The following S100G variants were observed in gnomAD, a reference collection of about 807,000 sequenced individuals.
S100G encodes the protein S100 calcium binding protein G.
A neutral mutation model predicts 4.4 loss-of-function variants in S100G; 4 were observed. The observed-to-expected ratio is 0.91, with a 90% CI of 0.45 to 2.09. The LOEUF is 2.09. Among genes scored for constraint, S100G ranks in the 30% most tolerant of loss-of-function variants. The probability of loss-of-function intolerance (pLI) is 0.03; values close to 1 mark genes in which losing one functional copy is unlikely to be tolerated. For missense variants in S100G, 48 were observed against 49.8 expected (o/e 0.96, Z 0.11); for synonymous variants, 24 against 20.1 (o/e 1.20, Z -0.53).
At chrX:16,652,755 T>C (rs781239207) in intron 2 of S100G, among the ~76,000 whole-genome samples, 1 of 111,793 alleles carries the variant, frequency 8.9e-6, no homozygotes, top group East Asian at 2.8e-4. Context: ...GTTCTGAAAG[T>C]CTACTTAACA....
Position 16,651,005 on chromosome X carries a change from G to A in S100G, c.-2G>A, listed in dbSNP as rs1932593869. 2 of 1,203,812 alleles carry A rather than the reference G, an allele frequency of 1.7e-6. No homozygotes were observed. The highest frequency in any genetic ancestry group is 1.1e-6 in the Non-Finnish European group (1 of 889,437). On this transcript the variant is annotated 5_prime_UTR_variant, in exon 2 of 3. Coordinates refer to ENST00000380200, the MANE Select transcript of S100G (RefSeq NM_004057.3). Reference sequence around the variant, plus strand: ...TTTCTTCCCAATTTATAAGACACCAGAATGAGTACTAAAAAGTCTCCTGAG... The same window carrying A: ...TTTCTTCCCAATTTATAAGACACCAAAATGAGTACTAAAAAGTCTCCTGAG...
intron 2 of S100G, 134 bp from the exon 3 acceptor site, chrX:16,654,271 G>C (rs1932768654): frequency 2.4e-6 from 1 of 417,300 alleles, no homozygotes; most frequent in African/African-American, 2.5e-5. Flanking sequence ...TTAGCTATTA[G>C]ATGCATGTCA....
chrX:16,652,703 C>T (rs1932701454), intron 2 of S100G, among the ~76,000 whole-genome samples: 1 of 111,741 alleles, frequency 8.9e-6, no homozygotes, highest in Non-Finnish European at 1.9e-5. Context: ...ACAAAAAGTA[C>T]GTAAGACATA....
chrX:16,652,471 TAGA>T (rs908865002), intron 2 of S100G, among the ~76,000 whole-genome samples: 6 of 112,281 alleles, frequency 5.3e-5, no homozygotes, highest in African/African-American at 1.9e-4. Flanking sequence ...AGTTGAAATA[TAGA>T]AGAACTTGTA....
At chrX:16,651,958 G>C (rs1299504316) in intron 2 of S100G, among the ~76,000 whole-genome samples, 1 of 109,760 alleles carries the variant, frequency 9.1e-6, no homozygotes, top group Non-Finnish European at 1.9e-5. Flanking sequence ...TTGCCATGGG[G>C]AGAGAGATTG....
rs1279047828 is a variant in S100G, at chrX:16,654,670, C to T, written c.*161C>T. The T allele has an allele frequency of 3.0e-6, 1 of 328,048 alleles. No individual in the cohort carries two copies. Among genetic ancestry groups the T allele is most frequent in the East Asian group, 4.8e-5 (1 of 20,750 alleles). The allele number at this position is 328,048 out of a possible 1,213,427, so 27.0% of individuals were successfully genotyped here. A position where few individuals can be genotyped will look rare whatever the true frequency, so the allele number is the denominator to read the frequency against. Reference sequence around the variant, plus strand: ...ATTAATAAAGAAATTATTAGACATACCTTACTTTGTTAAGTACTGACCTCA... The same window carrying T: ...ATTAATAAAGAAATTATTAGACATATCTTACTTTGTTAAGTACTGACCTCA... On this transcript the variant is annotated 3_prime_UTR_variant, in exon 3 of 3. Coordinates refer to ENST00000380200, the MANE Select transcript of S100G (RefSeq NM_004057.3).
At chrX:16,653,818 C>T (rs1484125594) in intron 2 of S100G, among the ~76,000 whole-genome samples, 3 of 112,121 alleles carry the variant, frequency 2.7e-5, no homozygotes, top group Admixed American at 9.4e-5. Flanking sequence ...CTGGAGTCAA[C>T]GTGTGGACCC....
rs757274649 is a variant in S100G, at chrX:16,652,018, TG to T, written c.135+885del. ...GGGGGTTTATGACCATAGAGCAGGA[TG>T]GGGGGGGCCAGTGGATGGAAAATTA... On this transcript the variant is annotated intron_variant, in intron 2 of 2. Coordinates refer to ENST00000380200, the MANE Select transcript of S100G (RefSeq NM_004057.3). 7.3e-3 allele frequency among the ~76,000 whole-genome samples: 714 copies of T among 97,681 alleles called. 4 individuals carry two copies. The highest frequency in any genetic ancestry group is 0.012 in the Non-Finnish European group (581 of 48,311). 84.8% of individuals were successfully genotyped at this position (97,681 alleles called of 115,157 possible). A position where few individuals can be genotyped will look rare whatever the true frequency, so the allele number is the denominator to read the frequency against.
At chrX:16,653,256 CA>C (rs1204811144) in intron 2 of S100G, among the ~76,000 whole-genome samples, 1 of 110,877 alleles carries the variant, frequency 9.0e-6, no homozygotes, top group Admixed American at 9.7e-5. Context: ...ATGGTAGAGA[CA>C]AAAATTAACT....
At position 16,650,374 on chromosome X, in the gene S100G, C is replaced by T. The variant is rs187770826; in HGVS notation, c.-9+171C>T. On this transcript the variant is annotated intron_variant, in intron 1 of 2. Transcript: ENST00000380200. ...GCTGTGGTCAAGTATTCTTCAAGAC[C>T]ACAGCCTGCAGAGTGCAGATCAGGT... Among the ~76,000 whole-genome samples the T allele has an allele frequency of 5.9e-3, 658 of 111,109 alleles. 5 individuals carry two copies. Among genetic ancestry groups the T allele is most frequent in the African/African-American group, 0.02 (626 of 30,588 alleles).
At chrX:16,653,227 G>A (rs1018149563) in intron 2 of S100G, among the ~76,000 whole-genome samples, 1 of 110,623 alleles carries the variant, frequency 9.0e-6, no homozygotes, top group East Asian at 2.8e-4. Flanking sequence ...AGTAGTAATG[G>A]CTTTAAGATT....
At chrX:16,652,246 A>G (rs1280267573) in intron 2 of S100G, among the ~76,000 whole-genome samples, 1 of 112,123 alleles carries the variant, frequency 8.9e-6, no homozygotes, top group Non-Finnish European at 1.9e-5. Flanking sequence ...TCACAACAGA[A>G]GTGACTATGG....
In S100G at chrX:16,654,385, T is replaced by C; in HGVS notation, c.136-20T>C. Reference sequence around the variant, plus strand: ...ATTTTTTCTCCCCTCCCTTCTCCCATCCTTTTTTATGTAAAACAGGGTCCA... The same window carrying C: ...ATTTTTTCTCCCCTCCCTTCTCCCACCCTTTTTTATGTAAAACAGGGTCCA... On this transcript the variant is annotated intron_variant, in intron 2 of 2. Transcript: ENST00000380200. The C allele has an allele frequency of 9.4e-7, 1 of 1,062,497 alleles. No homozygotes were observed. Among genetic ancestry groups the C allele is most frequent in the Non-Finnish European group, 1.3e-6 (1 of 782,366 alleles). 87.6% of individuals were successfully genotyped at this position (1,062,497 alleles called of 1,213,427 possible). A position where few individuals can be genotyped will look rare whatever the true frequency, so the allele number is the denominator to read the frequency against.
At chrX:16,650,511 C>CTTTTTTT (rs1167079038) in intron 1 of S100G, among the ~76,000 whole-genome samples, 4 of 77,208 alleles carry the variant, frequency 5.2e-5, no homozygotes, top group Non-Finnish European at 7.1e-5. Context: ...TCTAAGATGT[C>CTTTTTTT]TTTTTTTTTT....
chrX:16,650,930 G>C (rs1932590157), intron 1 of S100G, 69 bp from the exon 2 acceptor site: 2 of 965,398 alleles, frequency 2.1e-6, no homozygotes, highest in South Asian at 4.6e-5. Context: ...CTAAAATCCT[G>C]CAGACAACCC....
intron 2 of S100G, 101 bp downstream of exon 2, chrX:16,651,242 G>A: frequency 1.3e-6 from 1 of 791,656 alleles, no homozygotes; most frequent in South Asian, 2.6e-5. Context: ...ACCGTCGCTT[G>A]AGGGAGGACA....
intron 2 of S100G, among the ~76,000 whole-genome samples, chrX:16,651,769 T>A (rs1273765838): frequency 8.9e-6 from 1 of 111,941 alleles, no homozygotes; most frequent in Non-Finnish European, 1.9e-5. Context: ...GTTGTCAAAA[T>A]CAAAATGCAT....
chrX:16,654,605 C>A lies in S100G; in HGVS notation c.*96C>A. The A allele has an allele frequency of 2.2e-6, 1 of 445,982 alleles. No individual in the cohort carries two copies. Among genetic ancestry groups the A allele is most frequent in the Admixed American group, 4.2e-5 (1 of 23,746 alleles). The allele number at this position is 445,982 out of a possible 1,213,427, so 36.8% of individuals were successfully genotyped here. On this transcript the variant is annotated 3_prime_UTR_variant, in exon 3 of 3. Coordinates refer to ENST00000380200, the MANE Select transcript of S100G (RefSeq NM_004057.3). The stretch of plus-strand genomic sequence containing the variant: ...ATCCCCCAAAGTCTCTGGTTTAATT[C>A]TTTGCAATTATAATAACCTGGCTGT...
At chrX:16,651,574 A>G (rs1049507252) in intron 2 of S100G, among the ~76,000 whole-genome samples, 9 of 112,415 alleles carry the variant, frequency 8.0e-5, no homozygotes, top group Non-Finnish European at 1.5e-4. Flanking sequence ...ACACTTACTT[A>G]GCAGTCTGTT....
Sources: gnomAD v4.1 joint callset for allele counts (sites outside exome capture counted in the v4.1 genomes callset) on GRCh38, gnomAD v4.1.1 for gene constraint, MANE v1.5 for transcripts, NCBI Gene and HGNC (gene_info 2026-07-23, HGNC 2026-07-21) for gene names.